Variants in LIN52 observed in about 807,000 individuals in gnomAD.
LIN52 encodes protein lin-52 homolog.
In LIN52, 4 loss-of-function variants were observed where a neutral mutation model predicts 18.5. The ratio of observed to expected loss-of-function variants is 0.22; its 90% CI spans 0.11 to 0.49. LIN52 has a LOEUF of 0.49. LIN52 is among the 20% of genes least tolerant of loss of function. The pLI, the probability that LIN52 is intolerant of heterozygous loss-of-function variation, is 0.97. For missense variants in LIN52, 102 were observed against 139.5 expected, an observed-to-expected ratio of 0.73 and a Z score of 1.35; for synonymous variants, 34 against 45.5, an observed-to-expected ratio of 0.75 and a Z score of 1.02.
At chr14:74,134,193 T>C (rs1303636817) in intron 5 of LIN52, among the ~76,000 whole-genome samples, 1 of 152,066 alleles carries the variant, frequency 6.6e-6, no homozygotes, top group Non-Finnish European at 1.5e-5. Context: ...TGAATCGGAG[T>C]GGAGAGAGAG....
At chr14:74,098,208 T>C (rs1320972897) in intron 4 of LIN52, among the ~76,000 whole-genome samples, 1 of 152,132 alleles carries the variant, frequency 6.6e-6, no homozygotes, top group African/African-American at 2.4e-5. Context: ...TCAAAGTTCA[T>C]AAGTTAACCA....
chr14:74,089,279 A>G (rs183935888), intron 1 of LIN52, among the ~76,000 whole-genome samples: 2 of 152,196 alleles, frequency 1.3e-5, no homozygotes, highest in South Asian at 2.1e-4. Context: ...TGATCTGAGA[A>G]TTGGAATTTA....
Position 74,196,785 on chromosome 14 carries a change from C to T in LIN52, c.284-2137C>T, listed in dbSNP as rs574307668. 3.3e-5 allele frequency among the ~76,000 whole-genome samples: 5 copies of T among 152,214 alleles called. No individual in the cohort carries two copies. The South Asian group carries it at 1.0e-3, about 32-fold the overall frequency. ...TGGAAAGTGTTGTGTTAATGATTAG[C>T]ACTATACCAAGCATGTTCATTGCTA... On this transcript the variant is annotated intron_variant, in intron 5 of 5. Coordinates refer to ENST00000555028, the MANE Select transcript of LIN52 (RefSeq NM_001024674.3).
At chr14:74,102,705 A>T (rs192124153) in intron 5 of LIN52, among the ~76,000 whole-genome samples, 1 of 152,208 alleles carries the variant, frequency 6.6e-6, no homozygotes, top group Non-Finnish European at 1.5e-5. Flanking sequence ...CTTTGTGTCA[A>T]TGTTTTTCAA....
chr14:74,091,132 C>A, intron 1 of LIN52, 100 bp from the exon 2 acceptor site: 1 of 752,382 alleles, frequency 1.3e-6, no homozygotes, highest in Non-Finnish European at 2.2e-6. Context: ...TATCTCTAGA[C>A]TTCCAGGTGA....
intron 5 of LIN52, chr14:74,114,136 G>T: frequency 5.1e-6 from 5 of 984,554 alleles, no homozygotes; most frequent in Non-Finnish European, 6.0e-6. Flanking sequence ...GTGAGCCACA[G>T]CGCCCGGCCA....
chr14:74,146,838 C>G (rs1205301741), intron 5 of LIN52, among the ~76,000 whole-genome samples: 1 of 152,060 alleles, frequency 6.6e-6, no homozygotes. Context: ...CCATATAGAT[C>G]AATGGAATAT....
intron 4 of LIN52, among the ~76,000 whole-genome samples, chr14:74,100,212 CAA>C (rs2139874103): frequency 6.6e-6 from 1 of 152,322 alleles, no homozygotes; most frequent in Admixed American, 6.5e-5. Flanking sequence ...TTAATGCTAT[CAA>C]AAGACAAGGT....
chr14:74,138,524 G>A (rs2061110831), intron 5 of LIN52, among the ~76,000 whole-genome samples: 1 of 152,098 alleles, frequency 6.6e-6, no homozygotes, highest in African/African-American at 2.4e-5. Flanking sequence ...AGGCCAACGT[G>A]GCATGATCAC....
intron 5 of LIN52, among the ~76,000 whole-genome samples, chr14:74,173,095 CTGT>C (rs1378839360): frequency 6.6e-6 from 1 of 152,136 alleles, no homozygotes; most frequent in Non-Finnish European, 1.5e-5. Flanking sequence ...AAAAAGCATT[CTGT>C]TGTTCATGAT....
chr14:74,195,554 G>A (rs76872590), intron 5 of LIN52, among the ~76,000 whole-genome samples: 4 of 54,222 alleles, frequency 7.4e-5, no homozygotes, highest in East Asian at 4.6e-4. Context: ...GTGTGTGTGT[G>A]TATGTGTGTG....
chr14:74,103,871 T>C (rs1187024914), intron 5 of LIN52, among the ~76,000 whole-genome samples: 1 of 146,398 alleles, frequency 6.8e-6, no homozygotes, highest in East Asian at 2.1e-4. Flanking sequence ...TACAGGCACA[T>C]ACCACTGTGC....
chr14:74,103,025 G>A (rs747708739), intron 5 of LIN52, among the ~76,000 whole-genome samples: 1 of 152,086 alleles, frequency 6.6e-6, no homozygotes, highest in Non-Finnish European at 1.5e-5. Context: ...CCCCATTGCC[G>A]AGTAACTTTG....
At chr14:74,085,136 G>A (rs1407074427) in intron 1 of LIN52, 143 bp downstream of exon 1, 7 of 708,808 alleles carry the variant, frequency 9.9e-6, no homozygotes, top group East Asian at 3.3e-5. Flanking sequence ...GAGATCCATC[G>A]CCGTCTTCAG....
intron 4 of LIN52, among the ~76,000 whole-genome samples, chr14:74,100,175 C>T (rs1220751187): frequency 1.3e-5 from 2 of 152,200 alleles, no homozygotes; most frequent in African/African-American, 2.4e-5. Context: ...TCCATTTTGT[C>T]AGATCAGATC....
At chr14:74,109,025 A>T (rs545435803) in intron 5 of LIN52, among the ~76,000 whole-genome samples, 1 of 152,194 alleles carries the variant, frequency 6.6e-6, no homozygotes, top group Non-Finnish European at 1.5e-5. Flanking sequence ...TAAGAGTTTT[A>T]TAATTTTAGA....
At chr14:74,117,290 A>C (rs1488100508) in intron 5 of LIN52, among the ~76,000 whole-genome samples, 1 of 152,174 alleles carries the variant, frequency 6.6e-6, no homozygotes, top group East Asian at 1.9e-4. Flanking sequence ...AAAGAAGCAT[A>C]TTTTCTTAAG....
chr14:74,128,987 AAC>A (rs1429540320), intron 5 of LIN52, among the ~76,000 whole-genome samples: 3 of 152,186 alleles, frequency 2.0e-5, no homozygotes, highest in African/African-American at 7.2e-5. Flanking sequence ...CTGGAGGAGG[AAC>A]AGATTGTAAG....
chr14:74,175,757 T>G, intron 5 of LIN52, among the ~76,000 whole-genome samples: 1 of 109,710 alleles, frequency 9.1e-6, no homozygotes, highest in African/African-American at 3.3e-5. Context: ...CACACCCCCA[T>G]TATACAGCTA....
Sources: allele counts gnomAD v4.1 joint callset (sites outside exome capture counted in the v4.1 genomes callset), GRCh38; gene constraint gnomAD v4.1.1; transcripts MANE v1.5; gene names NCBI Gene and HGNC (gene_info 2026-07-23, HGNC 2026-07-21).